ADRA1D: variants seen among roughly 807,000 people sequenced by gnomAD.
ADRA1D encodes adrenoceptor alpha 1D.
A neutral mutation model predicts 18.6 loss-of-function variants in ADRA1D; 22 were observed. That is an observed-to-expected ratio of 1.19 (90% CI 0.85 to 1.69). The LOEUF (loss-of-function observed/expected upper bound fraction) is 1.69, where lower values mean the gene tolerates loss of function less well. Ranked by LOEUF, ADRA1D falls within the 40% of genes most tolerant of loss-of-function variation. The pLI is 0.00. For missense variants in ADRA1D, 840 were observed against 840.7 expected, an observed-to-expected ratio of 1.00 and a Z score of 0.01; for synonymous variants, 376 against 388.2, an observed-to-expected ratio of 0.97 and a Z score of 0.37.
chr20:4,229,168 A>G (rs74788925), intron 1 of ADRA1D, among the ~76,000 whole-genome samples: 2,088 of 152,056 alleles, frequency 0.014, 56 homozygotes, highest in African/African-American at 0.047. Flanking sequence ...GCATTCTCCT[A>G]TCAGTGTCAT....
intron 1 of ADRA1D, among the ~76,000 whole-genome samples, chr20:4,236,232 TG>T (rs1287051120): frequency 6.6e-6 from 1 of 152,236 alleles, no homozygotes; most frequent in Admixed American, 6.5e-5. Context: ...TCAACCTCTC[TG>T]GTGCCTCAGT....
intron 1 of ADRA1D, among the ~76,000 whole-genome samples, chr20:4,247,464 C>T (rs1467139361): frequency 1.3e-5 from 2 of 152,154 alleles, no homozygotes; most frequent in Non-Finnish European, 2.9e-5. Context: ...CACATGTAGG[C>T]CCACCCACTC....
At chr20:4,235,713 G>A (rs1050239312) in intron 1 of ADRA1D, among the ~76,000 whole-genome samples, 10 of 152,250 alleles carry the variant, frequency 6.6e-5, no homozygotes, top group East Asian at 5.8e-4. Flanking sequence ...GCACTGAGCC[G>A]CCTGGGCTTT....
chr20:4,222,098 C>T lies in ADRA1D; in HGVS notation c.1144G>A (p.Gly382Ser). 5.6e-6 allele frequency: 9 copies of T among 1,612,518 alleles called. No homozygotes were observed. Among genetic ancestry groups the T allele is most frequent in the Non-Finnish European group, 7.6e-6 (9 of 1,179,368 alleles). ...SLFPQLKPSE[G>S]VFKVIFWLGY... ...AGCCAGAAGATGACCTTGAAGACGC[C>T]CTCCGATGGCTTCAGCTGCGGGAAC... Residue 382 changes from glycine to serine, a missense_variant, in exon 2 of 2, where the codon GGC becomes AGC. Gly to Ser is a moderately conservative substitution (Grantham distance 56). Coordinates refer to ENST00000379453, the MANE Select transcript of ADRA1D (RefSeq NM_000678.4). This position sits in a 1 kb window ranked among gnomAD's most constrained non-coding sequence, Gnocchi z 4.3.
Position 4,243,048 on chromosome 20 carries a change from T to C in ADRA1D, c.1111+4799A>G, listed in dbSNP as rs372861420. Among the ~76,000 whole-genome samples the C allele has an allele frequency of 5.9e-5, 9 of 152,122 alleles. No individual in the cohort carries two copies. In the South Asian group the frequency reaches 1.9e-3, roughly 32 times the overall value. ...AGGAGGAAGCTTCTCTGCAGTTGGGTGCTTGCCTGGGGCAGGGTTTCCCCA... is the reference window on the plus strand; with the variant it reads ...AGGAGGAAGCTTCTCTGCAGTTGGGCGCTTGCCTGGGGCAGGGTTTCCCCA... On this transcript the variant is annotated intron_variant, in intron 1 of 1. Transcript: ENST00000379453.
chr20:4,249,032 G>GCCTGT lies in ADRA1D; in HGVS notation c.-76_-75insACAGG. 1 of 1,107,784 alleles carries GCCTGT rather than the reference G, an allele frequency of 9.0e-7. No individual in the cohort carries two copies. Among genetic ancestry groups the GCCTGT allele is most frequent in the Non-Finnish European group, 1.1e-6 (1 of 887,070 alleles). 68.6% of individuals were successfully genotyped at this position (1,107,784 alleles called of 1,614,324 possible). Reference sequence around the variant, plus strand: ...GGCAGGGAGGGGAGCACAGGGCATAGCCGCGGGGCTCCAGATGCAGCTCCG... The same window carrying GCCTGT: ...GGCAGGGAGGGGAGCACAGGGCATAGCCTGTCCGCGGGGCTCCAGATGCAGCTCCG... On this transcript the variant is annotated 5_prime_UTR_variant, in exon 1 of 2. Coordinates refer to ENST00000379453, the MANE Select transcript of ADRA1D (RefSeq NM_000678.4).
Position 4,239,231 on chromosome 20 carries a change from A to T in ADRA1D, c.1111+8616T>A, listed in dbSNP as rs558068324. On this transcript the variant is annotated intron_variant, in intron 1 of 1. Coordinates refer to ENST00000379453, the MANE Select transcript of ADRA1D (RefSeq NM_000678.4). The surrounding 1 kb of genome is among the most constrained non-coding windows in gnomAD (Gnocchi z 4.9). ...GGGTAGGGGTGGGAGTGAGGAAAAAACAGTGTGATTCTGATGCCCAGATCT... is the reference window on the plus strand; with the variant it reads ...GGGTAGGGGTGGGAGTGAGGAAAAATCAGTGTGATTCTGATGCCCAGATCT... 6.6e-6 allele frequency among the ~76,000 whole-genome samples: 1 copy of T among 152,204 alleles called. No individual in the cohort carries two copies. The highest frequency in any genetic ancestry group is 2.1e-4 in the South Asian group (1 of 4,816).
intron 1 of ADRA1D, among the ~76,000 whole-genome samples, chr20:4,240,701 C>T (rs557370297): frequency 3.7e-4 from 57 of 152,090 alleles, no homozygotes; most frequent in Non-Finnish European, 6.0e-4. Context: ...GGTTGAGGCA[C>T]GAGAATCACT....
chr20:4,226,435 A>G lies in ADRA1D; in HGVS notation c.1112-4305T>C, dbSNP rs571465638. 3.3e-5 allele frequency among the ~76,000 whole-genome samples: 5 copies of G among 152,376 alleles called. No homozygotes were observed. In the South Asian group the frequency reaches 1.0e-3, roughly 32 times the overall value. ...GTGGGAAGAAGAATCAGGGAAAAGA[A>G]GGAAGCCAATAAAGTGTGTTATCAA... On this transcript the variant is annotated intron_variant, in intron 1 of 1. Coordinates refer to ENST00000379453, the MANE Select transcript of ADRA1D (RefSeq NM_000678.4).
At chr20:4,227,586 T>C (rs1488119651) in intron 1 of ADRA1D, among the ~76,000 whole-genome samples, 1 of 152,082 alleles carries the variant, frequency 6.6e-6, no homozygotes, top group Non-Finnish European at 1.5e-5. Flanking sequence ...TCGACTTTCT[T>C]TGTATCACCT....
chr20:4,248,712 A>C lies in ADRA1D; in HGVS notation c.246T>G (p.Asn82Lys). 4 of 1,563,550 alleles carry C rather than the reference A, an allele frequency of 2.6e-6. No individual in the cohort carries two copies. Among genetic ancestry groups the C allele is most frequent in the Non-Finnish European group, 3.5e-6 (4 of 1,155,146 alleles). Reference protein sequence around the residue: ...PGSAGAGGDVNGTAAVGGLVV... With the variant: ...PGSAGAGGDVKGTAAVGGLVV... The stretch of plus-strand genomic sequence containing the variant: ...CCAGTCCCCCGACGGCCGCCGTGCC[A>C]TTCACGTCGCCGCCCGCGCCCGCGC... Residue 82 changes from asparagine (N) to lysine (K), a missense_variant, in exon 1 of 2, where the codon AAT (asparagine) becomes AAG (lysine). Physicochemically the swap from Asn to Lys is moderately conservative, Grantham distance 94. Transcript: ENST00000379453.
intron 1 of ADRA1D, among the ~76,000 whole-genome samples, chr20:4,236,451 G>A (rs1192256301): frequency 6.6e-6 from 1 of 152,218 alleles, no homozygotes; most frequent in Non-Finnish European, 1.5e-5. Flanking sequence ...AGGAGGAACT[G>A]AGACTGATGC....
chr20:4,248,693 C>G lies in ADRA1D; in HGVS notation c.265G>C (p.Gly89Arg), dbSNP rs1295310570. The change falls in exon 1 of 2, where the codon GGA becomes CGA. Residue 89 changes from glycine (G) to arginine (R), a missense_variant. By Grantham distance (125) the Gly-to-Arg change is moderately radical (BLOSUM62 -2). Transcript: ENST00000379453. ...ACGCCCTGCGCGCTCACCACCAGTC[C>G]CCCGACGGCCGCCGTGCCATTCACG... ...GDVNGTAAVG[G>R]LVVSAQGVGV... is the part of the protein sequence containing the mutation. 6.3e-7 allele frequency: 1 copy of G among 1,579,388 alleles called. No homozygotes were observed. The highest frequency in any genetic ancestry group is 1.8e-5 in the Admixed American group (1 of 54,576).
chr20:4,221,229 G>T lies in ADRA1D; in HGVS notation c.*294C>A. On this transcript the variant is annotated 3_prime_UTR_variant, in exon 2 of 2. Coordinates refer to ENST00000379453, the MANE Select transcript of ADRA1D (RefSeq NM_000678.4). The stretch of plus-strand genomic sequence containing the variant: ...CTCAGGGTTCAGGGCATGGAGGATG[G>T]GGCAGTGTTTCTCAAATAGGGATTG... The T allele has an allele frequency of 3.2e-6, 1 of 314,208 alleles. No homozygotes were observed. Among genetic ancestry groups the T allele is most frequent in the East Asian group, 5.8e-5 (1 of 17,234 alleles). 19.5% of individuals were successfully genotyped at this position (314,208 alleles called of 1,614,324 possible).
intron 1 of ADRA1D, among the ~76,000 whole-genome samples, chr20:4,226,624 C>T (rs1172865764): frequency 1.3e-5 from 2 of 152,192 alleles, no homozygotes; most frequent in African/African-American, 4.8e-5. Flanking sequence ...TCCACACTTC[C>T]TTTCTGCCAC....
In ADRA1D at chr20:4,221,955, A is replaced by G. The variant is rs1190001842; in HGVS notation, c.1287T>C (p.Pro429=). Residue 429 remains proline (P), a synonymous_variant, in exon 2 of 2, where the codon CCT becomes CCC. Transcript: ENST00000379453. ...CQCRRRRRRR[P]LWRVYGHHWR... ...AGTGGTGGCCGTAGACACGCCAGAG[A>G]GGGCGGCGGCGCCGGCGACGACGGC... 1 of 1,546,810 alleles carries G rather than the reference A, an allele frequency of 6.5e-7. No homozygotes were observed. Among genetic ancestry groups the G allele is most frequent in the East Asian group, 2.5e-5 (1 of 40,594 alleles).
chr20:4,248,578 A>T lies in ADRA1D; in HGVS notation c.380T>A (p.Leu127Gln). The change falls in exon 1 of 2, where the codon CTG (leucine) becomes CAG (glutamine). Residue 127 changes from leucine (L) to glutamine (Q), a missense_variant. By Grantham distance (113) the Leu-to-Gln change is moderately radical. Transcript: ENST00000379453. ...VILSVACNRH[L>Q]QTVTNYFIVN... ...GATGAAATAGTTGGTGACGGTCTGC[A>T]GGTGGCGGTTGCAGGCCACTGAGAG... 1 of 1,613,786 alleles carries T rather than the reference A, an allele frequency of 6.2e-7. No homozygotes were observed. The highest frequency in any genetic ancestry group is 8.5e-7 in the Non-Finnish European group (1 of 1,179,946).
intron 1 of ADRA1D, among the ~76,000 whole-genome samples, chr20:4,233,294 C>G (rs1441158187): frequency 6.6e-6 from 1 of 151,990 alleles, no homozygotes; most frequent in Non-Finnish European, 1.5e-5. Flanking sequence ...AACTCCATCT[C>G]TATAAAAAAT....
chr20:4,243,020 G>C (rs892688867), intron 1 of ADRA1D, among the ~76,000 whole-genome samples: 19 of 152,146 alleles, frequency 1.2e-4, no homozygotes, highest in African/African-American at 4.3e-4. Context: ...AGGCTCCCGG[G>C]AGAGGAGGAA....
Sources: gnomAD v4.1 joint callset for allele counts (sites outside exome capture counted in the v4.1 genomes callset) on GRCh38, gnomAD v4.1.1 for gene constraint, Gnocchi (gnomAD v3.1) non-coding constraint, MANE v1.5 for transcripts, NCBI Gene and HGNC (gene_info 2026-07-23, HGNC 2026-07-21) for gene names.